Variants in HTATIP2 observed in about 807,000 individuals in gnomAD.
HTATIP2 encodes the protein HIV-1 Tat interactive protein 2.
Under a neutral mutation model 24.7 loss-of-function variants are expected in HTATIP2, and 26 were observed. That is an observed-to-expected ratio of 1.05 (90% CI 0.77 to 1.46). The LOEUF is 1.46. Ranked by LOEUF, HTATIP2 falls within the 40% of genes most tolerant of loss-of-function variation. The pLI, the probability that HTATIP2 is intolerant of heterozygous loss-of-function variation, is 0.00. For synonymous variants in HTATIP2, 99 were observed against 113.2 expected, an observed-to-expected ratio of 0.87 and a Z score of 0.79; for missense variants, 284 against 289.6, an observed-to-expected ratio of 0.98 and a Z score of 0.14.
chr11:20,378,482 C>T (rs1179095743), intron 3 of HTATIP2, among the ~76,000 whole-genome samples: 1 of 152,086 alleles, frequency 6.6e-6, no homozygotes, highest in African/African-American at 2.4e-5. Flanking sequence ...TTTTAAAACA[C>T]TGACACATGT....
At chr11:20,380,596 C>T (rs1176914194) in intron 3 of HTATIP2, among the ~76,000 whole-genome samples, 7 of 140,694 alleles carry the variant, frequency 5.0e-5, no homozygotes, top group Non-Finnish European at 1.1e-4. Context: ...GGCATGAACC[C>T]GGGAGGCGGA....
chr11:20,381,535 GA>G (rs1848521627), intron 3 of HTATIP2, among the ~76,000 whole-genome samples: 1 of 152,082 alleles, frequency 6.6e-6, no homozygotes, highest in South Asian at 2.1e-4. Flanking sequence ...TCTGTGATGA[GA>G]CAGGTTAAGT....
At position 20,383,280 on chromosome 11, in the gene HTATIP2, A is replaced by T. The variant is rs1848550281; in HGVS notation, c.*75A>T. The T allele has an allele frequency of 1.8e-6, 2 of 1,117,372 alleles. No individual in the cohort carries two copies. The highest frequency in any genetic ancestry group is 3.1e-5 in the African/African-American group (2 of 64,744). 69.2% of individuals were successfully genotyped at this position (1,117,372 alleles called of 1,614,324 possible). A position where few individuals can be genotyped will look rare whatever the true frequency, so the allele number is the denominator to read the frequency against. On this transcript the variant is annotated 3_prime_UTR_variant, in exon 5 of 5. Coordinates refer to ENST00000451739, the MANE Select transcript of HTATIP2 (RefSeq NM_001098522.2). ...ATCGGTAATTTCAGGGTCTAAAAAA[A>T]GTCAGCATGTTTTAACTTTGTTGTT...
chr11:20,365,574 T>C (rs915374772), intron 1 of HTATIP2, among the ~76,000 whole-genome samples: 1 of 152,208 alleles, frequency 6.6e-6, no homozygotes, highest in Non-Finnish European at 1.5e-5. Context: ...ATGCCTTTGG[T>C]CCATCAAGTC....
intron 4 of HTATIP2, among the ~76,000 whole-genome samples, chr11:20,382,585 C>T (rs1290733737): frequency 6.6e-6 from 1 of 152,016 alleles, no homozygotes; most frequent in Non-Finnish European, 1.5e-5. Context: ...TTTTTTTTCA[C>T]GCAGTCTGGA....
chr11:20,373,256 G>A (rs190572644), intron 2 of HTATIP2, among the ~76,000 whole-genome samples: 3 of 152,290 alleles, frequency 2.0e-5, no homozygotes, highest in African/African-American at 7.2e-5. Context: ...TAGCGAGGCG[G>A]GTGAAAGGAA....
chr11:20,376,626 A>T lies in HTATIP2; in HGVS notation c.350A>T (p.Glu117Val). 6.2e-7 allele frequency: 1 copy of T among 1,614,044 alleles called. No individual in the cohort carries two copies. The highest frequency in any genetic ancestry group is 1.1e-5 in the South Asian group (1 of 91,076). Residue 117 changes from glutamate to valine, a missense_variant, in exon 3 of 5, where the codon GAG (glutamate) becomes GTG (valine). Glu to Val is a moderately radical substitution (Grantham distance 121, BLOSUM62 -2). Transcript: ENST00000451739. ...VDRDYVLKSA[E>V]LAKAGGCKHF... ...CGAGATTATGTGCTGAAGTCTGCAG[A>T]GCTGGCAAAAGCTGGAGGGTGCAAA...
At chr11:20,380,237 G>A (rs1848498044) in intron 3 of HTATIP2, among the ~76,000 whole-genome samples, 1 of 152,210 alleles carries the variant, frequency 6.6e-6, no homozygotes, top group African/African-American at 2.4e-5. Flanking sequence ...AGGGAATGGT[G>A]GGAACACACC....
rs180783675 is a variant in HTATIP2 at position 20,367,320 on chromosome 11, A to C, written c.303+39A>C. The C allele has an allele frequency of 4.4e-3, 7,053 of 1,613,266 alleles. 22 individuals are homozygous for C. Among genetic ancestry groups the C allele is most frequent in the Non-Finnish European group, 5.1e-3 (6,047 of 1,179,830 alleles). Reference sequence around the variant, plus strand: ...ATGCTCTTTTCCCTTTTTGCTGGCCAGTAATATCAAGGATTCTTTTCTTGC... The same window carrying C: ...ATGCTCTTTTCCCTTTTTGCTGGCCCGTAATATCAAGGATTCTTTTCTTGC... On this transcript the variant is annotated intron_variant, in intron 2 of 4. Coordinates refer to ENST00000451739, the MANE Select transcript of HTATIP2 (RefSeq NM_001098522.2).
Position 20,364,432 on chromosome 11 carries a change from G to T in HTATIP2, c.195G>T (p.Val65=). The T allele has an allele frequency of 6.2e-7, 1 of 1,603,170 alleles. No individual in the cohort carries two copies. The highest frequency in any genetic ancestry group is 8.5e-7 in the Non-Finnish European group (1 of 1,172,802). Residue 65 remains valine (V), a splice_region_variant and synonymous_variant, in exon 1 of 5, where the codon GTG becomes GTT. Coordinates refer to ENST00000451739, the MANE Select transcript of HTATIP2 (RefSeq NM_001098522.2). ...TCGACGAGGAAGCTTATAAAAATGT[G>T]GTGGGTATTTCAGCTGGGACTCAAA... ...LTFDEEAYKN[V]NQEVVDFEKL...
chr11:20,370,002 G>A (rs1371193662), intron 2 of HTATIP2, among the ~76,000 whole-genome samples: 2 of 152,192 alleles, frequency 1.3e-5, no homozygotes, highest in Non-Finnish European at 2.9e-5. Flanking sequence ...CAGTTGTTCA[G>A]TCAATGCACT....
chr11:20,368,460 A>T (rs908756608), intron 2 of HTATIP2, among the ~76,000 whole-genome samples: 7 of 152,194 alleles, frequency 4.6e-5, no homozygotes, highest in Admixed American at 4.6e-4. Flanking sequence ...GAGCTCTGTG[A>T]TGGGAACTAT....
chr11:20,378,929 C>T (rs899348227), intron 3 of HTATIP2, among the ~76,000 whole-genome samples: 11 of 152,060 alleles, frequency 7.2e-5, no homozygotes, highest in African/African-American at 2.7e-4. Flanking sequence ...CCCAGCTACT[C>T]GGGAGGCTGA....
At chr11:20,373,144 G>T (rs929931487) in intron 2 of HTATIP2, among the ~76,000 whole-genome samples, 1 of 152,168 alleles carries the variant, frequency 6.6e-6, no homozygotes, top group African/African-American at 2.4e-5. Context: ...AAAGGTATGG[G>T]CACCTTGTCA....
At chr11:20,374,876 T>C (rs1317941215) in intron 2 of HTATIP2, among the ~76,000 whole-genome samples, 1 of 152,238 alleles carries the variant, frequency 6.6e-6, no homozygotes, top group Non-Finnish European at 1.5e-5. Context: ...TTCATCTTGC[T>C]TCTGCCTAAA....
intron 2 of HTATIP2, chr11:20,367,482 T>A: frequency 6.9e-7 from 1 of 1,459,802 alleles, no homozygotes; most frequent in South Asian, 1.5e-5. Flanking sequence ...AATCCTTGAG[T>A]TCAGGCCCCA....
chr11:20,378,927 C>T (rs549401718), intron 3 of HTATIP2, among the ~76,000 whole-genome samples: 1 of 152,280 alleles, frequency 6.6e-6, no homozygotes, highest in South Asian at 2.1e-4. Flanking sequence ...ATCCCAGCTA[C>T]TCGGGAGGCT....
At chr11:20,367,398 T>C (rs2064723123) in intron 2 of HTATIP2, 117 bp downstream of exon 2, 6 of 1,573,162 alleles carry the variant, frequency 3.8e-6, no homozygotes, top group Non-Finnish European at 5.2e-6. Flanking sequence ...TAAGCCTTTA[T>C]TGTTTAAGAT....
intron 4 of HTATIP2, 47 bp downstream of exon 4, chr11:20,382,286 A>C (rs1287079334): frequency 2.0e-6 from 2 of 1,016,832 alleles, no homozygotes; most frequent in Non-Finnish European, 1.5e-6. Context: ...CTGATGGTTA[A>C]TCCCTAGATA....
Sources: gnomAD v4.1 joint callset for allele counts (sites outside exome capture counted in the v4.1 genomes callset) on GRCh38, gnomAD v4.1.1 for gene constraint, MANE v1.5 for transcripts, NCBI Gene and HGNC (gene_info 2026-07-23, HGNC 2026-07-21) for gene names.